Variants in NT5DC3 observed in about 807,000 individuals in gnomAD.
The protein encoded by NT5DC3 is 5'-nucleotidase domain containing 3.
A neutral mutation model predicts 67.8 loss-of-function variants in NT5DC3; 42 were observed. The ratio of observed to expected loss-of-function variants is 0.62; its 90% CI spans 0.48 to 0.80. The LOEUF is 0.80. NT5DC3 is among the 30% of genes least tolerant of loss of function. The probability of loss-of-function intolerance (pLI) is 0.00; values close to 1 mark genes in which losing one functional copy is unlikely to be tolerated. For synonymous variants in NT5DC3, 237 were observed against 255.6 expected, an observed-to-expected ratio of 0.93 and a Z score of 0.69; for missense variants, 570 against 696.4, an observed-to-expected ratio of 0.82 and a Z score of 2.04.
intron 13 of NT5DC3, among the ~76,000 whole-genome samples, chr12:103,779,297 A>T (rs1035044835): frequency 4.6e-5 from 7 of 152,166 alleles, no homozygotes; most frequent in Non-Finnish European, 8.8e-5. Context: ...CAAACACAGG[A>T]TGTGCACTCT....
chr12:103,752,504 T>C, the NT5DC3 span, among the ~76,000 whole-genome samples: 8 of 152,228 alleles, frequency 5.3e-5, no homozygotes, highest in Non-Finnish European at 1.0e-4. Flanking sequence ...CTGCACTGAA[T>C]TGTTTGGTTA....
chr12:103,770,096 A>G (rs1885147155), downstream of NT5DC3, among the ~76,000 whole-genome samples: 1 of 152,226 alleles, frequency 6.6e-6, no homozygotes, highest in African/African-American at 2.4e-5. Flanking sequence ...TAATTCATAG[A>G]AAACATGGCC....
chr12:103,765,215 T>C, the NT5DC3 span, among the ~76,000 whole-genome samples: 1 of 151,818 alleles, frequency 6.6e-6, no homozygotes, highest in Non-Finnish European at 1.5e-5. Context: ...TCCTCTCCAA[T>C]GCACCCCATG....
At chr12:103,785,597 A>G in intron 11 of NT5DC3, 122 bp from the exon 12 acceptor site, 1 of 969,792 alleles carries the variant, frequency 1.0e-6, no homozygotes, top group Non-Finnish European at 1.6e-6. Context: ...TTAGTTATTC[A>G]CCAAGCTGAA....
intron 9 of NT5DC3, among the ~76,000 whole-genome samples, chr12:103,791,048 T>C (rs146659060): frequency 1.6e-3 from 242 of 152,264 alleles, no homozygotes; most frequent in African/African-American, 5.7e-3. Context: ...CAAATTTAAC[T>C]AGGCATCTCC....
intron 6 of NT5DC3, among the ~76,000 whole-genome samples, chr12:103,794,431 T>C (rs1360930244): frequency 6.6e-6 from 1 of 152,184 alleles, no homozygotes; most frequent in East Asian, 1.9e-4. Context: ...ATTGCAGGCA[T>C]GAGCCACCAC....
intron 13 of NT5DC3, 38 bp from the exon 14 acceptor site, chr12:103,778,119 A>T: frequency 6.4e-7 from 1 of 1,550,664 alleles, no homozygotes; most frequent in East Asian, 2.3e-5. Context: ...ACAGAGAATG[A>T]TTCAAAAATC....
At chr12:103,762,167 A>G in the NT5DC3 span, 16 of 1,460,794 alleles carry the variant, frequency 1.1e-5, no homozygotes, top group Non-Finnish European at 1.3e-5. Flanking sequence ...TTAACATGTC[A>G]GTATTTTTAT....
chr12:103,766,106 C>T, downstream of NT5DC3: 1 of 794,288 alleles, frequency 1.3e-6, no homozygotes, highest in Non-Finnish European at 2.1e-6. Context: ...AAACAGGTGG[C>T]CCTACCCCCA....
At chr12:103,755,755 G>A in the NT5DC3 span, 2 of 1,606,342 alleles carry the variant, frequency 1.2e-6, no homozygotes, top group South Asian at 1.1e-5. Flanking sequence ...CTCAGGCAGG[G>A]AGGGGTTGCC....
chr12:103,755,120 C>A, the NT5DC3 span: 2 of 732,030 alleles, frequency 2.7e-6, no homozygotes, highest in East Asian at 2.6e-5. Flanking sequence ...TTTGTTCACC[C>A]AGTGGCTCAA....
At chr12:103,794,836 G>C (rs1886242781) in intron 6 of NT5DC3, among the ~76,000 whole-genome samples, 2 of 152,242 alleles carry the variant, frequency 1.3e-5, no homozygotes, top group Admixed American at 1.3e-4. Flanking sequence ...GGGAGAGGAA[G>C]AGGAGGTGGT....
At chr12:103,767,013 AAC>A (rs1566090995), downstream of NT5DC3, 1 of 152,306 alleles carries the variant, frequency 6.6e-6, no homozygotes, top group African/African-American at 2.4e-5. Flanking sequence ...CACTGTAGAA[AAC>A]AGTTTGGCAA....
the NT5DC3 span, among the ~76,000 whole-genome samples, chr12:103,759,636 T>TA: frequency 6.6e-6 from 1 of 152,234 alleles, no homozygotes; most frequent in Admixed American, 6.5e-5. Flanking sequence ...TGTAAGGACT[T>TA]AAACAAGTTA....
intron 1 of NT5DC3, among the ~76,000 whole-genome samples, chr12:103,830,842 A>C (rs774554775): frequency 3.9e-5 from 6 of 152,186 alleles, no homozygotes; most frequent in Non-Finnish European, 7.3e-5. Flanking sequence ...TTCTTTACCT[A>C]AAAATTCCAA....
At chr12:103,759,344 G>C in the NT5DC3 span, 1 of 1,568,144 alleles carries the variant, frequency 6.4e-7, no homozygotes, top group South Asian at 1.2e-5. Context: ...TACAGTAGGT[G>C]CTTAATAGAT....
At chr12:103,799,828 G>A (rs917658359) in intron 4 of NT5DC3, among the ~76,000 whole-genome samples, 1 of 120,882 alleles carries the variant, frequency 8.3e-6, no homozygotes, top group Non-Finnish European at 1.8e-5. Context: ...GATTTGTGAA[G>A]TCAGTGGCCA....
At chr12:103,764,935 T>TAAAAATACAG in the NT5DC3 span, among the ~76,000 whole-genome samples, 43,025 of 151,154 alleles carry the variant, frequency 0.28, 6,297 homozygotes, top group South Asian at 0.47. Context: ...CCATGTCTAC[T>TAAAAATACAG]AAATTAGGCA....
chr12:103,751,016 A>C, the NT5DC3 span, among the ~76,000 whole-genome samples: 1 of 152,204 alleles, frequency 6.6e-6, no homozygotes, highest in Admixed American at 6.5e-5. Flanking sequence ...AGCCACATAG[A>C]AGTGCAGAGG....
Sources: allele counts gnomAD v4.1 joint callset (sites outside exome capture counted in the v4.1 genomes callset), GRCh38; gene constraint gnomAD v4.1.1; transcripts MANE v1.5; gene names NCBI Gene and HGNC (gene_info 2026-07-23, HGNC 2026-07-21).